CTNNBL1: variants seen among roughly 807,000 people sequenced by gnomAD.
CTNNBL1 encodes catenin beta like 1.
CTNNBL1 carries 31 observed loss-of-function variants against 72.7 expected under a neutral mutation model. The observed-to-expected ratio is 0.43, with a 90% CI of 0.32 to 0.58. CTNNBL1 has a LOEUF of 0.58. CTNNBL1 is among the 20% of genes least tolerant of loss of function. The pLI is 0.08. For missense variants in CTNNBL1, 534 were observed against 725.1 expected (o/e 0.74, Z 3.03); for synonymous variants, 240 against 267.3 (o/e 0.90, Z 1.00).
At chr20:37,857,861 C>A (rs1246701345) in intron 13 of CTNNBL1, among the ~76,000 whole-genome samples, 1 of 152,154 alleles carries the variant, frequency 6.6e-6, no homozygotes, top group Non-Finnish European at 1.5e-5. Context: ...AACAAGTCCC[C>A]ACACCGAGTT....
intron 13 of CTNNBL1, among the ~76,000 whole-genome samples, chr20:37,858,281 C>T (rs1327070134): frequency 6.6e-6 from 1 of 152,210 alleles, no homozygotes; most frequent in East Asian, 1.9e-4. Context: ...TAGGGCCCTA[C>T]CTTCACAGAG....
chr20:37,865,433 T>C (rs564142060), intron 15 of CTNNBL1, among the ~76,000 whole-genome samples: 5 of 152,340 alleles, frequency 3.3e-5, no homozygotes, highest in African/African-American at 9.6e-5. Context: ...ATTTATCGTT[T>C]TGACTATTAC....
chr20:37,699,389 T>C (rs751667483), intron 1 of CTNNBL1, among the ~76,000 whole-genome samples: 10 of 152,184 alleles, frequency 6.6e-5, no homozygotes, highest in Non-Finnish European at 1.3e-4. Flanking sequence ...TCAACATGCC[T>C]TCTGAGGTTG....
At chr20:37,852,721 G>C (rs370750257) in intron 13 of CTNNBL1, among the ~76,000 whole-genome samples, 2 of 152,172 alleles carry the variant, frequency 1.3e-5, no homozygotes, top group East Asian at 3.8e-4. Context: ...TTTCAGGGCT[G>C]TTTCCCACTG....
At chr20:37,782,577 A>G (rs1600484752) in intron 10 of CTNNBL1, among the ~76,000 whole-genome samples, 1 of 152,238 alleles carries the variant, frequency 6.6e-6, no homozygotes, top group East Asian at 1.9e-4. Flanking sequence ...ATTTTGTAGT[A>G]GCTACCACAT....
intron 11 of CTNNBL1, among the ~76,000 whole-genome samples, chr20:37,826,997 C>A (rs542587732): frequency 6.6e-6 from 1 of 152,224 alleles, no homozygotes; most frequent in Non-Finnish European, 1.5e-5. Flanking sequence ...CCTTCCTGGG[C>A]AGATCCCTCC....
intron 2 of CTNNBL1, among the ~76,000 whole-genome samples, chr20:37,733,863 C>G (rs2073150828): frequency 6.6e-6 from 1 of 152,192 alleles, no homozygotes; most frequent in African/African-American, 2.4e-5. Context: ...CTGTTCTGTT[C>G]ACAGCTCTAT....
intron 1 of CTNNBL1, among the ~76,000 whole-genome samples, chr20:37,718,911 A>G (rs1167762744): frequency 9.2e-5 from 14 of 152,198 alleles, no homozygotes. Context: ...GTTGTGTAAT[A>G]CTGCTTCTAC....
At chr20:37,772,686 G>A (rs1376602234) in intron 7 of CTNNBL1, among the ~76,000 whole-genome samples, 1 of 152,162 alleles carries the variant, frequency 6.6e-6, no homozygotes, top group Non-Finnish European at 1.5e-5. Flanking sequence ...TGATTCTGAT[G>A]TAAGCTGAAG....
intron 3 of CTNNBL1, among the ~76,000 whole-genome samples, chr20:37,738,119 A>T (rs562183301): frequency 1.3e-5 from 2 of 152,196 alleles, no homozygotes; most frequent in Admixed American, 1.3e-4. Context: ...TATTCTTTTC[A>T]GTGCCCAAAG....
chr20:37,700,732 C>T (rs1293397026), intron 1 of CTNNBL1, among the ~76,000 whole-genome samples: 2 of 152,168 alleles, frequency 1.3e-5, no homozygotes, highest in Non-Finnish European at 2.9e-5. Context: ...TCTGATTCCA[C>T]AGATGTCTGG....
chr20:37,801,202 G>A (rs2073820689), intron 10 of CTNNBL1, among the ~76,000 whole-genome samples: 1 of 152,098 alleles, frequency 6.6e-6, no homozygotes, highest in Admixed American at 6.5e-5. Flanking sequence ...AAAATTATAT[G>A]CTGATTTATA....
intron 11 of CTNNBL1, among the ~76,000 whole-genome samples, chr20:37,831,367 CTTT>C (rs202003605): frequency 6.7e-6 from 1 of 149,256 alleles, no homozygotes; most frequent in Non-Finnish European, 1.5e-5. Flanking sequence ...TTTTTCTTTT[CTTT>C]TTTTTTTTTT....
chr20:37,786,285 G>A (rs2073672671), intron 10 of CTNNBL1, among the ~76,000 whole-genome samples: 1 of 152,108 alleles, frequency 6.6e-6, no homozygotes, highest in African/African-American at 2.4e-5. Flanking sequence ...TTCATTCATG[G>A]CCCAAAGGCT....
intron 1 of CTNNBL1, among the ~76,000 whole-genome samples, chr20:37,701,467 A>G (rs893930628): frequency 1.3e-5 from 2 of 152,232 alleles, no homozygotes; most frequent in African/African-American, 4.8e-5. Flanking sequence ...GTAAGGAGCA[A>G]GACAGACATT....
At chr20:37,757,506 G>T in intron 4 of CTNNBL1, 53 bp from the exon 5 acceptor site, 1 of 1,322,270 alleles carries the variant, frequency 7.6e-7, no homozygotes, top group South Asian at 1.2e-5. Flanking sequence ...CAAGGATTAA[G>T]AAAAATACTG....
intron 1 of CTNNBL1, among the ~76,000 whole-genome samples, chr20:37,705,649 A>C (rs894329108): frequency 6.6e-6 from 1 of 152,190 alleles, no homozygotes; most frequent in Non-Finnish European, 1.5e-5. Flanking sequence ...TTATGTCATC[A>C]CCATAGTAAT....
At chr20:37,805,506 C>T (rs2071950414) in intron 11 of CTNNBL1, among the ~76,000 whole-genome samples, 2 of 151,374 alleles carry the variant, frequency 1.3e-5, no homozygotes, top group African/African-American at 4.9e-5. Flanking sequence ...AACCGATTCT[C>T]CTGCCTCAGC....
chr20:37,819,918 AG>A (rs1481028520), intron 11 of CTNNBL1, among the ~76,000 whole-genome samples: 3 of 133,144 alleles, frequency 2.3e-5, no homozygotes, highest in Admixed American at 9.1e-5. Context: ...TCTGTCGCCC[AG>A]GCTGGAGTGC....
Sources: allele counts gnomAD v4.1 joint callset (sites outside exome capture counted in the v4.1 genomes callset), GRCh38; gene constraint gnomAD v4.1.1; transcripts MANE v1.5; gene names NCBI Gene and HGNC (gene_info 2026-07-23, HGNC 2026-07-21).